Variants in CRISPLD2 observed in about 807,000 individuals in gnomAD.
The protein encoded by CRISPLD2 is cysteine-rich secretory protein LCCL domain-containing 2.
Under a neutral mutation model 71.1 loss-of-function variants are expected in CRISPLD2, and 47 were observed. The ratio of observed to expected loss-of-function variants is 0.66; its 90% CI spans 0.52 to 0.84. The LOEUF (loss-of-function observed/expected upper bound fraction) is 0.84. Ranked by LOEUF, CRISPLD2 falls within the 40% of genes least tolerant of loss-of-function variation. CRISPLD2 has a pLI of 0.00. For synonymous variants in CRISPLD2, 317 were observed against 250.1 expected (o/e 1.27, Z -2.52); for missense variants, 830 against 651.1 (o/e 1.27, Z -2.99).
intron 6 of CRISPLD2, among the ~76,000 whole-genome samples, chr16:84,856,995 G>C (rs1230465366): frequency 6.6e-6 from 1 of 152,232 alleles, no homozygotes; most frequent in Non-Finnish European, 1.5e-5. Context: ...ATGTGTTCCA[G>C]TGAGGACAAA....
At chr16:84,843,341 A>C (rs1916827262) in intron 2 of CRISPLD2, among the ~76,000 whole-genome samples, 1 of 152,154 alleles carries the variant, frequency 6.6e-6, no homozygotes, top group South Asian at 2.1e-4. Flanking sequence ...CGGCTTGGAA[A>C]CGTGGCTTCC....
intron 5 of CRISPLD2, among the ~76,000 whole-genome samples, chr16:84,854,006 C>G (rs1917162814): frequency 6.6e-6 from 1 of 152,210 alleles, no homozygotes; most frequent in African/African-American, 2.4e-5. Flanking sequence ...GGTGCGGCCT[C>G]CAGTTTTCCT....
At chr16:84,851,679 C>G (rs183950577) in intron 5 of CRISPLD2, among the ~76,000 whole-genome samples, 1 of 152,146 alleles carries the variant, frequency 6.6e-6, no homozygotes, top group Non-Finnish European at 1.5e-5. Context: ...CTGGGAGGGA[C>G]GCAGGCACCA....
chr16:84,849,625 C>T (rs1049709880), intron 4 of CRISPLD2, 108 bp downstream of exon 4: 2 of 1,241,876 alleles, frequency 1.6e-6, no homozygotes, highest in South Asian at 2.7e-5. Flanking sequence ...CTGTTGTTGC[C>T]TTCATTTTTA....
chr16:84,827,215 A>T (rs1054249555), intron 1 of CRISPLD2, among the ~76,000 whole-genome samples: 6 of 151,402 alleles, frequency 4.0e-5, no homozygotes, highest in African/African-American at 1.5e-4. Context: ...CTTAAATGAA[A>T]CCATGCGTGT....
At position 84,838,754 on chromosome 16, in the gene CRISPLD2, C is replaced by T. The variant is rs755790109; in HGVS notation, c.240+19C>T. On this transcript the variant is annotated intron_variant, in intron 2 of 14. Transcript: ENST00000262424. Reference sequence around the variant, plus strand: ...GTACATGGTGAGCGCCGGCTCCGGCCGCAGAGGCTGGCACCGGGGGTGGGG... The same window carrying T: ...GTACATGGTGAGCGCCGGCTCCGGCTGCAGAGGCTGGCACCGGGGGTGGGG... The T allele has an allele frequency of 2.2e-5, 35 of 1,604,606 alleles. 1 individual carries two copies. In the Admixed American group the frequency reaches 4.7e-4, roughly 22 times the overall value.
chr16:84,839,219 C>T (rs1479512482), intron 2 of CRISPLD2: 3 of 329,866 alleles, frequency 9.1e-6, no homozygotes, highest in African/African-American at 2.2e-5. Context: ...GCCAAAACAA[C>T]ACACGTGGGT....
intron 1 of CRISPLD2, among the ~76,000 whole-genome samples, chr16:84,826,262 A>G (rs900501163): frequency 2.6e-5 from 4 of 152,222 alleles, no homozygotes; most frequent in South Asian, 4.1e-4. Context: ...ACCTCCCTCC[A>G]AAATCAGGAA....
At chr16:84,853,389 G>A (rs563606365) in intron 5 of CRISPLD2, among the ~76,000 whole-genome samples, 19 of 152,364 alleles carry the variant, frequency 1.2e-4, no homozygotes, top group Admixed American at 4.6e-4. Context: ...GAGCAGGGAT[G>A]TCTTGTGGCA....
rs1478976898 is a variant in CRISPLD2, at chr16:84,878,027, G to A, written c.1229+517G>A. Among the ~76,000 whole-genome samples the A allele has an allele frequency of 2.0e-4, 30 of 148,522 alleles. 1 individual carries two copies. The highest frequency in any genetic ancestry group is 1.7e-3 in the Admixed American group (26 of 14,880). ...AGATCGAGACCATCCTGGCTAACACGGTGAAACCCCGTCTCTACTAAAAAT... is the reference window on the plus strand; with the variant it reads ...AGATCGAGACCATCCTGGCTAACACAGTGAAACCCCGTCTCTACTAAAAAT... On this transcript the variant is annotated intron_variant, in intron 12 of 14. Coordinates refer to ENST00000262424, the MANE Select transcript of CRISPLD2 (RefSeq NM_031476.4).
intron 14 of CRISPLD2, among the ~76,000 whole-genome samples, chr16:84,897,360 G>C (rs986346748): frequency 6.6e-6 from 1 of 152,046 alleles, no homozygotes; most frequent in African/African-American, 2.4e-5. Flanking sequence ...GCTGAGGTAG[G>C]AGAATTGATT....
In CRISPLD2 at chr16:84,845,894, C is replaced by A; in HGVS notation, c.349C>A (p.His117Asn). The stretch of plus-strand genomic sequence containing the variant: ...GTCCATCGGGCAGAACCTGGGCGCT[C>A]ACTGGGGCAGGTAAGAGCCACAAGT... ...LVSIGQNLGA[H>N]WGRYRSPGFH... The change falls in exon 3 of 15, where the codon CAC becomes AAC. Residue 117 changes from histidine to asparagine, a missense_variant. Physicochemically the swap from His to Asn is moderately conservative, Grantham distance 68. Transcript: ENST00000262424. 1.2e-6 allele frequency: 2 copies of A among 1,610,626 alleles called. No homozygotes were observed. The highest frequency in any genetic ancestry group is 1.7e-6 in the Non-Finnish European group (2 of 1,177,066).
At chr16:84,905,320 A>C (rs2071791559) in intron 14 of CRISPLD2, among the ~76,000 whole-genome samples, 1 of 152,218 alleles carries the variant, frequency 6.6e-6, no homozygotes, top group Admixed American at 6.5e-5. Flanking sequence ...ACAACTCTAT[A>C]AAATCTCTAA....
intron 14 of CRISPLD2, 116 bp downstream of exon 14, chr16:84,889,479 C>A: frequency 8.9e-7 from 1 of 1,118,054 alleles, no homozygotes; most frequent in Non-Finnish European, 1.2e-6. Flanking sequence ...GGTAGACTTG[C>A]ACGAATTCTT....
chr16:84,822,044 C>G (rs1253342361), intron 1 of CRISPLD2, among the ~76,000 whole-genome samples: 3 of 152,232 alleles, frequency 2.0e-5, no homozygotes, highest in Non-Finnish European at 4.4e-5. Context: ...GCAGAGCTTG[C>G]TGCTAGTTGA....
intron 13 of CRISPLD2, among the ~76,000 whole-genome samples, chr16:84,882,496 C>G (rs1254465093): frequency 6.6e-6 from 1 of 152,098 alleles, no homozygotes; most frequent in Non-Finnish European, 1.5e-5. Context: ...CTGCAACCTC[C>G]CAGGTTCAAG....
Position 84,877,435 on chromosome 16 carries a change from C to T in CRISPLD2, c.1157-3C>T, listed in dbSNP as rs1445974432. On this transcript the variant is annotated splice_region_variant and splice_polypyrimidine_tract_variant and intron_variant, in intron 11 of 14. Transcript: ENST00000262424. ...ACCCTTTCCCCCTTGCTCCTGTTCACAGTGCAGGATTTGGACTGCTACACG... is the reference window on the plus strand; with the variant it reads ...ACCCTTTCCCCCTTGCTCCTGTTCATAGTGCAGGATTTGGACTGCTACACG... The T allele has an allele frequency of 6.2e-7, 1 of 1,613,370 alleles. No individual in the cohort carries two copies. Among genetic ancestry groups the T allele is most frequent in the African/African-American group, 1.3e-5 (1 of 74,906 alleles).
chr16:84,858,726 A>C (rs1917306473), intron 6 of CRISPLD2, among the ~76,000 whole-genome samples: 1 of 152,260 alleles, frequency 6.6e-6, no homozygotes. Flanking sequence ...AGCTTAGGAC[A>C]ATAAAGATAC....
chr16:84,848,579 T>A (rs956835478), intron 3 of CRISPLD2, among the ~76,000 whole-genome samples: 1 of 152,158 alleles, frequency 6.6e-6, no homozygotes, highest in Non-Finnish European at 1.5e-5. Context: ...GGCTGCAGAT[T>A]ACAGGCATGC....
Sources: gnomAD v4.1 joint callset for allele counts (sites outside exome capture counted in the v4.1 genomes callset) on GRCh38, gnomAD v4.1.1 for gene constraint, MANE v1.5 for transcripts, NCBI Gene and HGNC (gene_info 2026-07-23, HGNC 2026-07-21) for gene names.